ADGRV1: variants seen among roughly 807,000 people sequenced by gnomAD.
ADGRV1 encodes G-protein coupled receptor 98.
A neutral mutation model predicts 596.2 loss-of-function variants in ADGRV1; 359 were observed. That is an observed-to-expected ratio of 0.60 (90% CI 0.55 to 0.66). The LOEUF (loss-of-function observed/expected upper bound fraction) is 0.66. Ranked by LOEUF, ADGRV1 falls within the 30% of genes least tolerant of loss-of-function variation. ADGRV1 has a pLI of 0.00. For synonymous variants in ADGRV1, 2,681 were observed against 2,679.2 expected (o/e 1.00, Z -0.02); for missense variants, 7,274 against 7,575.6 (o/e 0.96, Z 1.48).
intron 11 of ADGRV1, 44 bp downstream of exon 11, chr5:90,637,992 G>T: frequency 3.2e-5 from 43 of 1,332,202 alleles, no homozygotes; most frequent in Middle Eastern, 2.3e-4. Flanking sequence ...TTATGTTTGA[G>T]TTCTCTTCAA....
At chr5:90,891,937 G>A (rs554273238) in intron 83 of ADGRV1, among the ~76,000 whole-genome samples, 3 of 151,872 alleles carry the variant, frequency 2.0e-5, no homozygotes, top group African/African-American at 7.2e-5. Flanking sequence ...CCTCATCTAG[G>A]TAATTTTTCT....
intron 21 of ADGRV1, among the ~76,000 whole-genome samples, chr5:90,663,357 G>A (rs1415159031): frequency 6.6e-6 from 1 of 151,060 alleles, no homozygotes; most frequent in Non-Finnish European, 1.5e-5. Context: ...TTTCTCTGAT[G>A]GCCAGTGATG....
rs758628691 is a variant in ADGRV1 at position 90,693,905 on chromosome 5, T to A, written c.7149T>A (p.Gly2383=). ...ITVRRSGGHF[G]RLLLFYSTSD... ...CACATTTTAGCGGAGGGCACTTTGGTCGGCTGTTGTTGTTCTACAGTACTT... is the reference window on the plus strand; with the variant it reads ...CACATTTTAGCGGAGGGCACTTTGGACGGCTGTTGTTGTTCTACAGTACTT... The change falls in exon 33 of 90, where the codon GGT becomes GGA. Residue 2383 remains glycine (G), a synonymous_variant. Coordinates refer to ENST00000405460, the MANE Select transcript of ADGRV1 (RefSeq NM_032119.4). 2.3e-5 allele frequency: 35 copies of A among 1,554,040 alleles called. No homozygotes were observed. The highest frequency in any genetic ancestry group is 3.0e-5 in the Non-Finnish European group (34 of 1,149,014).
At position 90,851,134 on chromosome 5, in the gene ADGRV1, T is replaced by TGTGTGTGTGTGTGTGAGAGAGAGAGA. The variant is rs757909771; in HGVS notation, c.17205-2149_17205-2148insTGTGTGTGTGTGTGAGAGAGAGAGAG. Among the ~76,000 whole-genome samples the TGTGTGTGTGTGTGTGAGAGAGAGAGA allele has an allele frequency of 3.1e-3, 256 of 81,438 alleles. 3 individuals carry two copies. Among genetic ancestry groups the TGTGTGTGTGTGTGTGAGAGAGAGAGA allele is most frequent in the Non-Finnish European group, 5.4e-3 (206 of 37,896 alleles). 53.4% of individuals were successfully genotyped at this position (81,438 alleles called of 152,430 possible). On this transcript the variant is annotated intron_variant, in intron 79 of 89. Coordinates refer to ENST00000405460, the MANE Select transcript of ADGRV1 (RefSeq NM_032119.4). ...GTGTGTGTGTGTGTGTGTGTGTGTG[T>TGTGTGTGTGTGTGTGAGAGAGAGAGA]GAGAGAGAGAGAGAGAGAGAGAGAG...
intron 87 of ADGRV1, among the ~76,000 whole-genome samples, chr5:91,107,835 C>T (rs1054692637): frequency 6.6e-6 from 1 of 152,046 alleles, no homozygotes; most frequent in Admixed American, 6.6e-5. Flanking sequence ...TATCAAATCA[C>T]ATAAACAGGA....
chr5:90,607,389 C>G, intron 1 of ADGRV1, among the ~76,000 whole-genome samples: 1 of 152,080 alleles, frequency 6.6e-6, no homozygotes, highest in Non-Finnish European at 1.5e-5. Context: ...GCTGCTGACC[C>G]CCTGCTTACC....
chr5:91,117,812 A>G (rs1289007929), intron 87 of ADGRV1, among the ~76,000 whole-genome samples: 1 of 152,176 alleles, frequency 6.6e-6, no homozygotes, highest in Non-Finnish European at 1.5e-5. Flanking sequence ...TATCATTGGG[A>G]AAGTTACTCA....
intron 86 of ADGRV1, among the ~76,000 whole-genome samples, chr5:91,076,789 TCACCTCTA>T: frequency 1.3e-5 from 2 of 152,170 alleles, no homozygotes. Context: ...ATACTATAAC[TCACCTCTA>T]CTTGAATATG....
At chr5:90,753,097 C>G (rs923449155) in intron 53 of ADGRV1, among the ~76,000 whole-genome samples, 1 of 152,162 alleles carries the variant, frequency 6.6e-6, no homozygotes, top group Admixed American at 6.5e-5. Context: ...TGATTTGTAT[C>G]TCTCCCTATC....
chr5:90,933,903 T>C (rs1458815325), intron 83 of ADGRV1, among the ~76,000 whole-genome samples: 1 of 152,204 alleles, frequency 6.6e-6, no homozygotes, highest in African/African-American at 2.4e-5. Flanking sequence ...TCCTTTGGCC[T>C]TATTCTGTGG....
intron 77 of ADGRV1, among the ~76,000 whole-genome samples, chr5:90,836,176 T>C (rs571473529): frequency 3.9e-5 from 6 of 152,288 alleles, no homozygotes; most frequent in East Asian, 1.9e-4. Flanking sequence ...AGTTTAGAAG[T>C]TTCTTCAAGA....
intron 1 of ADGRV1, among the ~76,000 whole-genome samples, chr5:90,574,673 T>A (rs1051958347): frequency 1.6e-4 from 25 of 152,202 alleles, no homozygotes; most frequent in Non-Finnish European, 5.9e-5. Context: ...TGATATCAGT[T>A]CCTTGTACGT....
Position 90,627,639 on chromosome 5 carries a change from A to G in ADGRV1, c.1101A>G (p.Leu367=), listed in dbSNP as rs960142980. 4 of 1,613,778 alleles carry G rather than the reference A, an allele frequency of 2.5e-6. No individual in the cohort carries two copies. The highest frequency in any genetic ancestry group is 3.4e-6 in the Non-Finnish European group (4 of 1,179,840). Residue 367 remains leucine, a synonymous_variant, in exon 7 of 90, where the codon TTA becomes TTG. Coordinates refer to ENST00000405460, the MANE Select transcript of ADGRV1 (RefSeq NM_032119.4). ...SFHIMLLKDT[L]QGDAVLISPS... is the part of the protein sequence containing the mutation. ...ACATTATGTTACTAAAAGATACCTTACAGGGAGATGCTGTGCTAATAAGCC... is the reference window on the plus strand; with the variant it reads ...ACATTATGTTACTAAAAGATACCTTGCAGGGAGATGCTGTGCTAATAAGCC...
chr5:90,790,560 G>A, intron 69 of ADGRV1, among the ~76,000 whole-genome samples: 1 of 152,088 alleles, frequency 6.6e-6, no homozygotes, highest in Non-Finnish European at 1.5e-5. Flanking sequence ...ACTGTGTGTG[G>A]TGTACTACTA....
intron 84 of ADGRV1, among the ~76,000 whole-genome samples, chr5:90,974,816 A>G (rs1779407886): frequency 6.6e-6 from 1 of 152,234 alleles, no homozygotes; most frequent in Non-Finnish European, 1.5e-5. Context: ...TAAAACACCA[A>G]AAGCAATGGC....
chr5:90,757,508 T>C (rs1267396633), intron 57 of ADGRV1, among the ~76,000 whole-genome samples: 5 of 152,174 alleles, frequency 3.3e-5, no homozygotes, highest in African/African-American at 1.2e-4. Context: ...TCTTTTATCT[T>C]TTATTTTGTT....
At chr5:91,092,523 A>G (rs889734260) in intron 86 of ADGRV1, 3 of 152,256 alleles carry the variant, frequency 2.0e-5, no homozygotes, top group Admixed American at 6.5e-5. Flanking sequence ...TGATTACATC[A>G]GGATAAACAA....
chr5:91,099,449 A>G (rs1016203835), intron 86 of ADGRV1, among the ~76,000 whole-genome samples: 7 of 152,172 alleles, frequency 4.6e-5, no homozygotes, highest in African/African-American at 1.7e-4. Context: ...TCAGAAGCCA[A>G]TCGTTGTGAG....
rs7723892 is a variant in ADGRV1 at position 90,785,432 on chromosome 5, G to A, written c.13653+1375G>A. Reference sequence around the variant, plus strand: ...GATCTAATTAAACTAAAGAGCTTCTGCAAGGCAAAACAGACTACCATCAGA... The same window carrying A: ...GATCTAATTAAACTAAAGAGCTTCTACAAGGCAAAACAGACTACCATCAGA... On this transcript the variant is annotated intron_variant, in intron 67 of 89. Coordinates refer to ENST00000405460, the MANE Select transcript of ADGRV1 (RefSeq NM_032119.4). Among the ~76,000 whole-genome samples the A allele has an allele frequency of 5.8e-3, 886 of 152,298 alleles. 14 individuals are homozygous for A. The highest frequency in any genetic ancestry group is 0.02 in the African/African-American group (833 of 41,552).
Sources: gnomAD v4.1 joint callset for allele counts (sites outside exome capture counted in the v4.1 genomes callset) on GRCh38, gnomAD v4.1.1 for gene constraint, MANE v1.5 for transcripts, NCBI Gene and HGNC (gene_info 2026-07-23, HGNC 2026-07-21) for gene names.